KCNMA1: variants seen among roughly 807,000 people sequenced by gnomAD.
KCNMA1 encodes potassium calcium-activated channel subfamily M alpha 1.
In KCNMA1, 29 loss-of-function variants were observed where a neutral mutation model predicts 140.0. The observed-to-expected ratio is 0.21, with a 90% CI of 0.15 to 0.28. The LOEUF is 0.28. Among genes scored for constraint, KCNMA1 ranks in the 10% least tolerant of loss-of-function variants. The pLI is 1.00. For synonymous variants in KCNMA1, 612 were observed against 611.9 expected (o/e 1.00, Z 0.00); for missense variants, 880 against 1,602.2 (o/e 0.55, Z 7.70).
chr10:77,428,900 A>T (rs554437478), intron 1 of KCNMA1, among the ~76,000 whole-genome samples: 3 of 152,180 alleles, frequency 2.0e-5, no homozygotes, highest in Non-Finnish European at 4.4e-5. Flanking sequence ...TTTGAAATCC[A>T]AGTTTGTCAG....
intron 1 of KCNMA1, among the ~76,000 whole-genome samples, chr10:77,572,603 T>TATATATATAA (rs1491270036): frequency 1.0e-5 from 1 of 98,666 alleles, no homozygotes; most frequent in African/African-American, 3.9e-5. Context: ...TATATATATA[T>TATATATATAA]AAATTAGCTG....
intron 1 of KCNMA1, among the ~76,000 whole-genome samples, chr10:77,632,145 G>A (rs887050806): frequency 3.9e-5 from 6 of 152,166 alleles, no homozygotes; most frequent in East Asian, 3.8e-4. Flanking sequence ...GCAGGATGCC[G>A]CCAAGCCTGT....
chr10:77,184,062 T>TCACACA (rs3068684), intron 4 of KCNMA1, among the ~76,000 whole-genome samples: 4,540 of 147,964 alleles, frequency 0.031, 95 homozygotes, highest in Middle Eastern at 0.048. Context: ...ATGTACGCAT[T>TCACACA]CACACACACA....
intron 1 of KCNMA1, among the ~76,000 whole-genome samples, chr10:77,629,338 G>C (rs1286634340): frequency 6.6e-6 from 1 of 152,106 alleles, no homozygotes; most frequent in African/African-American, 2.4e-5. Context: ...CTAAATCCTT[G>C]TTAGCTACTG....
At chr10:77,336,593 A>G (rs369919254) in intron 2 of KCNMA1, among the ~76,000 whole-genome samples, 81 of 152,354 alleles carry the variant, frequency 5.3e-4, no homozygotes, top group African/African-American at 1.9e-3. Flanking sequence ...GTCGATGCAC[A>G]AGATTAAAAT....
intron 2 of KCNMA1, among the ~76,000 whole-genome samples, chr10:77,379,543 G>T (rs1335740259): frequency 6.6e-6 from 1 of 151,244 alleles, no homozygotes; most frequent in East Asian, 1.9e-4. Flanking sequence ...CTAGGATGCA[G>T]TTGTGAAGAG....
At chr10:76,876,968 C>G (rs1207901980), downstream of KCNMA1, 1 of 152,564 alleles carries the variant, frequency 6.6e-6, no homozygotes, top group Non-Finnish European at 1.5e-5. Context: ...TCCTCAGCTT[C>G]CACATCCCAG....
chr10:77,255,420 T>G (rs1356045880), intron 2 of KCNMA1, among the ~76,000 whole-genome samples: 1 of 151,330 alleles, frequency 6.6e-6, no homozygotes, highest in Non-Finnish European at 1.5e-5. Flanking sequence ...TCCAACACAG[T>G]GAAACCCTGG....
At chr10:77,383,545 A>G (rs945752301) in intron 2 of KCNMA1, among the ~76,000 whole-genome samples, 1 of 152,090 alleles carries the variant, frequency 6.6e-6, no homozygotes, top group African/African-American at 2.4e-5. Context: ...CATCACCATT[A>G]TCCATCTAGA....
intron 3 of KCNMA1, among the ~76,000 whole-genome samples, chr10:77,248,679 C>A: frequency 6.6e-6 from 1 of 152,190 alleles, no homozygotes; most frequent in Non-Finnish European, 1.5e-5. Flanking sequence ...TACTTTCTCA[C>A]TTTCTTTCCA....
chr10:77,488,308 G>A (rs1380568442), intron 1 of KCNMA1, among the ~76,000 whole-genome samples: 1 of 152,176 alleles, frequency 6.6e-6, no homozygotes, highest in South Asian at 2.1e-4. Context: ...TGGGGAAGGG[G>A]GATGGCATCC....
At chr10:77,189,709 T>G (rs1254468973) in intron 3 of KCNMA1, among the ~76,000 whole-genome samples, 1 of 152,174 alleles carries the variant, frequency 6.6e-6, no homozygotes, top group East Asian at 1.9e-4. Context: ...CTCACTCTTG[T>G]GGCTAGTCCC....
intron 1 of KCNMA1, among the ~76,000 whole-genome samples, chr10:77,424,268 T>C (rs950176818): frequency 2.0e-5 from 3 of 152,258 alleles, no homozygotes; most frequent in African/African-American, 7.2e-5. Flanking sequence ...ACATTCCTTC[T>C]AACTTATAAA....
chr10:77,102,888 G>A (rs1307140044), intron 9 of KCNMA1, among the ~76,000 whole-genome samples: 1 of 152,144 alleles, frequency 6.6e-6, no homozygotes, highest in African/African-American at 2.4e-5. Context: ...ACCTCCTTGA[G>A]ACTGTAAACT....
chr10:77,517,024 G>A (rs816843), intron 1 of KCNMA1, among the ~76,000 whole-genome samples: 16,078 of 151,592 alleles, frequency 0.11, 1,171 homozygotes, highest in African/African-American at 0.18. Flanking sequence ...AAGGTGAGGG[G>A]AAGCCGGCCT....
intron 25 of KCNMA1, among the ~76,000 whole-genome samples, chr10:76,900,958 T>G (rs1475645720): frequency 6.6e-6 from 1 of 151,520 alleles, no homozygotes; most frequent in Non-Finnish European, 1.5e-5. Flanking sequence ...GTTCAAAGAT[T>G]TATGTACAAT....
At chr10:77,483,037 CA>C (rs1567086428) in intron 1 of KCNMA1, among the ~76,000 whole-genome samples, 47 of 128,506 alleles carry the variant, frequency 3.7e-4, no homozygotes, top group South Asian at 8.3e-4. Context: ...CACACACACA[CA>C]CACCCCTTGT....
At chr10:77,017,600 T>C (rs2092296718) in intron 17 of KCNMA1, among the ~76,000 whole-genome samples, 1 of 152,226 alleles carries the variant, frequency 6.6e-6, no homozygotes, top group African/African-American at 2.4e-5. Context: ...CAGCCCATGT[T>C]TTCTTTTTCC....
chr10:77,492,372 C>G (rs562337625), intron 1 of KCNMA1, among the ~76,000 whole-genome samples: 20 of 152,200 alleles, frequency 1.3e-4, no homozygotes, highest in Non-Finnish European at 2.8e-4. Context: ...GCTGGATCAC[C>G]TCCTTGGCCT....
Sources: gnomAD v4.1 joint callset for allele counts (sites outside exome capture counted in the v4.1 genomes callset) on GRCh38, gnomAD v4.1.1 for gene constraint, MANE v1.5 for transcripts, NCBI Gene and HGNC (gene_info 2026-07-23, HGNC 2026-07-21) for gene names.